Variants in TMEM14C observed in about 807,000 individuals in gnomAD.
TMEM14C encodes the protein chromosome 6 open reading frame 53.
Under a neutral mutation model 14.8 loss-of-function variants are expected in TMEM14C, and 13 were observed. The observed-to-expected ratio is 0.88, with a 90% confidence interval of 0.57 to 1.40. The LOEUF is 1.40. TMEM14C is among the 40% of genes most tolerant of loss of function. TMEM14C has a pLI of 0.00. For synonymous variants in TMEM14C, 57 were observed against 51.3 expected, an observed-to-expected ratio of 1.11 and a Z score of -0.48; for missense variants, 142 against 138.8, an observed-to-expected ratio of 1.02 and a Z score of -0.12.
At chr6:10,728,841 G>T in intron 5 of TMEM14C, 114 bp downstream of exon 5, 1 of 1,560,286 alleles carries the variant, frequency 6.4e-7, no homozygotes, top group South Asian at 1.2e-5. Flanking sequence ...TGTATCAACT[G>T]ACATTTGATA....
At position 10,728,658 on chromosome 6, in the gene TMEM14C, C is replaced by T. The variant is rs1214446812; in HGVS notation, c.218C>T (p.Ala73Val). The T allele has an allele frequency of 1.2e-6, 2 of 1,614,038 alleles. No individual in the cohort carries two copies. The highest frequency in any genetic ancestry group is 2.2e-5 in the East Asian group (1 of 44,900). ...WVFLATSGTLAGIMGMRFYHS... is the reference protein window; with the variant it reads ...WVFLATSGTLVGIMGMRFYHS... ...TCATCAGCTACATCTGGTACCTTGG[C>T]TGGCATTATGGGAATGAGGTTCTAC... Residue 73 changes from alanine (A) to valine (V), a missense_variant, in exon 5 of 6, where the codon GCT (alanine) becomes GTT (valine). Ala to Val is a moderately conservative substitution (Grantham distance 64, BLOSUM62 0). Coordinates refer to ENST00000229563, the MANE Select transcript of TMEM14C (RefSeq NM_016462.4).
Position 10,724,980 on chromosome 6 carries a change from G to A in TMEM14C, c.40G>A (p.Gly14Ser). 11 of 1,614,218 alleles carry A rather than the reference G, an allele frequency of 6.8e-6. No homozygotes were observed. The highest frequency in any genetic ancestry group is 9.3e-6 in the Non-Finnish European group (11 of 1,180,044). The change falls in exon 3 of 6, where the codon GGC becomes AGC. Residue 14 changes from glycine (G) to serine (S), a missense_variant. Coordinates refer to ENST00000229563, the MANE Select transcript of TMEM14C (RefSeq NM_016462.4). Reference protein sequence around the residue: ...TGSVVPLHWFGFGYAALVASG... With the variant: ...TGSVVPLHWFSFGYAALVASG... ...TTTCAGAGTGCCTTTGCATTGGTTT[G>A]GCTTTGGCTACGCAGCACTGGTTGC... is the stretch of plus-strand genomic sequence containing the variant.
rs141614097 is a variant in TMEM14C, at chr6:10,729,163, A to C, written c.287+436A>C. ...GTTGTTGTTATTGAGACGGAGTATC[A>C]CTCTGTCACCCAGGATGGAGTGCAA... On this transcript the variant is annotated intron_variant, in intron 5 of 5. Transcript: ENST00000229563. Among the ~76,000 whole-genome samples the C allele has an allele frequency of 9.3e-3, 1,417 of 151,764 alleles. 28 individuals are homozygous for C. Among genetic ancestry groups the C allele is most frequent in the African/African-American group, 0.031 (1,287 of 41,128 alleles).
chr6:10,723,788 G>C (rs1447660143), intron 1 of TMEM14C, among the ~76,000 whole-genome samples: 3 of 151,850 alleles, frequency 2.0e-5, no homozygotes, highest in African/African-American at 4.8e-5. Context: ...TTTTTTAGTA[G>C]ACAATGGGTT....
intron 5 of TMEM14C, 131 bp downstream of exon 5, chr6:10,728,858 C>G (rs1581600688): frequency 6.5e-7 from 1 of 1,533,464 alleles, no homozygotes; most frequent in Non-Finnish European, 8.8e-7. Flanking sequence ...GATATATACA[C>G]TAATAGGAAA....
chr6:10,724,438 C>T (rs1770794372), intron 1 of TMEM14C, 132 bp from the exon 2 acceptor site: 1 of 630,476 alleles, frequency 1.6e-6, no homozygotes, highest in Non-Finnish European at 2.8e-6. Context: ...GAAATCGGTA[C>T]CAGTGTTATC....
chr6:10,724,836 C>T, intron 2 of TMEM14C, 125 bp from the exon 3 acceptor site: 1 of 1,372,720 alleles, frequency 7.3e-7, no homozygotes, highest in South Asian at 1.2e-5. Flanking sequence ...GTCATCCAAC[C>T]TCTGTGGTCC....
intron 4 of TMEM14C, among the ~76,000 whole-genome samples, chr6:10,727,781 A>T (rs1279039630): frequency 6.6e-6 from 1 of 152,052 alleles, no homozygotes; most frequent in East Asian, 1.9e-4. Context: ...AGATCACGCC[A>T]CTGCACTCTA....
At chr6:10,730,346 G>A (rs1323457559) in intron 5 of TMEM14C, among the ~76,000 whole-genome samples, 1 of 152,108 alleles carries the variant, frequency 6.6e-6, no homozygotes, top group East Asian at 1.9e-4. Context: ...GTGATGGTGG[G>A]GAGGCCTTGC....
At chr6:10,728,459 C>T (rs77935543) in intron 4 of TMEM14C, among the ~76,000 whole-genome samples, 181 bp from the exon 5 acceptor site, 2,119 of 152,236 alleles carry the variant, frequency 0.014, 48 homozygotes, top group African/African-American at 0.048. Context: ...CCTATTTGGC[C>T]AATATTGGTA....
intron 4 of TMEM14C, among the ~76,000 whole-genome samples, chr6:10,726,519 A>T (rs1371846301): frequency 6.6e-6 from 1 of 152,082 alleles, no homozygotes; most frequent in East Asian, 1.9e-4. Context: ...GTGAAACCCC[A>T]TCTCTACTAA....
chr6:10,724,538 T>C (rs1770798416), intron 1 of TMEM14C, 32 bp from the exon 2 acceptor site: 1 of 1,510,442 alleles, frequency 6.6e-7, no homozygotes, highest in African/African-American at 1.4e-5. Flanking sequence ...GCTGTGCTTT[T>C]AACTACCTCT....
Position 10,725,950 on chromosome 6 carries a change from A to G in TMEM14C, c.141A>G (p.Leu47=), listed in dbSNP as rs762736536. The change falls in exon 4 of 6, where the codon CTA becomes CTG. Residue 47 remains leucine, a synonymous_variant. Coordinates refer to ENST00000229563, the MANE Select transcript of TMEM14C (RefSeq NM_016462.4). ...SLAAGLLFGS[L]AGLGAYQLSQ... is the part of the protein sequence containing the mutation. ...CTGCAGGGCTGCTCTTTGGCAGTCT[A>G]GCCGGCCTGGGTGCTTACCAGCTGT... is the stretch of plus-strand genomic sequence containing the variant. 9.9e-6 allele frequency: 16 copies of G among 1,614,022 alleles called. No homozygotes were observed. Among genetic ancestry groups the G allele is most frequent in the Non-Finnish European group, 1.4e-5 (16 of 1,179,984 alleles).
chr6:10,724,899 A>G, intron 2 of TMEM14C, 62 bp from the exon 3 acceptor site: 1 of 1,574,920 alleles, frequency 6.3e-7, no homozygotes, highest in African/African-American at 1.3e-5. Flanking sequence ...GTCCCATCCT[A>G]TGACAGTATG....
intron 3 of TMEM14C, among the ~76,000 whole-genome samples, chr6:10,725,436 TTG>T (rs1455294741): frequency 1.3e-5 from 2 of 152,186 alleles, no homozygotes; most frequent in Non-Finnish European, 2.9e-5. Context: ...GTGGCTGTGC[TTG>T]TGTTTGCCCC....
chr6:10,724,707 A>G, intron 2 of TMEM14C, 74 bp downstream of exon 2: 1 of 1,562,844 alleles, frequency 6.4e-7, no homozygotes, highest in Non-Finnish European at 8.8e-7. Context: ...GCTGAAAAGA[A>G]CCTTAAGAGT....
rs58849701 is a variant in TMEM14C, at chr6:10,725,206, G to C, written c.97+169G>C. Among the ~76,000 whole-genome samples, 439 of 152,272 alleles carry C rather than the reference G, an allele frequency of 2.9e-3. 2 individuals are homozygous for C. Among genetic ancestry groups the C allele is most frequent in the African/African-American group, 9.5e-3 (396 of 41,550 alleles). On this transcript the variant is annotated intron_variant, in intron 3 of 5. Coordinates refer to ENST00000229563, the MANE Select transcript of TMEM14C (RefSeq NM_016462.4). ...TTGCAGCTCCTGCCCTTGCCCTTTGGTTATCTGGTGAAGCTGAGCCAGGCC... is the reference window on the plus strand; with the variant it reads ...TTGCAGCTCCTGCCCTTGCCCTTTGCTTATCTGGTGAAGCTGAGCCAGGCC...
At position 10,730,979 on chromosome 6, in the gene TMEM14C, A is replaced by G. The variant is rs1771007565; in HGVS notation, c.*313A>G. On this transcript the variant is annotated 3_prime_UTR_variant, in exon 6 of 6. Transcript: ENST00000229563. ...TTAGGTGTCAGCTTTCAGGGCTCTG[A>G]AACCCCATTCCCTGCTCTGAGGAAC... The G allele has an allele frequency of 1.9e-6, 2 of 1,042,886 alleles. No individual in the cohort carries two copies. The highest frequency in any genetic ancestry group is 5.4e-5 in the Admixed American group (1 of 18,666). 64.6% of individuals were successfully genotyped at this position (1,042,886 alleles called of 1,614,324 possible).
rs765061295 is a variant in TMEM14C at position 10,725,028 on chromosome 6, G to A, written c.88G>A (p.Val30Ile). 6.2e-7 allele frequency: 1 copy of A among 1,614,228 alleles called. No homozygotes were observed. Among genetic ancestry groups the A allele is most frequent in the South Asian group, 1.1e-5 (1 of 91,084 alleles). ...TGCTTCTGGTGGGATCATTGGCTAT[G>A]TAAAAGCAGGTAGGGTTTTGTTGTT... The part of the protein sequence containing the change: ...LVASGGIIGY[V>I]KAGSVPSLAA... Residue 30 changes from valine (V) to isoleucine (I), a missense_variant, in exon 3 of 6, where the codon GTA becomes ATA. Physicochemically the swap from Val to Ile is conservative, Grantham distance 29 (BLOSUM62 3). Coordinates refer to ENST00000229563, the MANE Select transcript of TMEM14C (RefSeq NM_016462.4).
Sources: allele counts gnomAD v4.1 joint callset (sites outside exome capture counted in the v4.1 genomes callset), GRCh38; gene constraint gnomAD v4.1.1; transcripts MANE v1.5; gene names NCBI Gene and HGNC (gene_info 2026-07-23, HGNC 2026-07-21).